Variants in GRM7 observed in about 807,000 individuals in gnomAD.
GRM7 encodes the protein glutamate metabotropic receptor 7.
GRM7 carries 35 observed loss-of-function variants against 84.5 expected under a neutral mutation model. The observed-to-expected ratio is 0.41, with a 90% CI of 0.32 to 0.55. The LOEUF is 0.55. Among genes scored for constraint, GRM7 ranks in the 20% least tolerant of loss-of-function variants. The pLI is 0.19. For synonymous variants in GRM7, 487 were observed against 455.1 expected, an observed-to-expected ratio of 1.07 and a Z score of -0.89; for missense variants, 1,003 against 1,194.6, an observed-to-expected ratio of 0.84 and a Z score of 2.36.
intron 1 of GRM7, among the ~76,000 whole-genome samples, chr3:6,924,683 A>G (rs1408328252): frequency 6.6e-6 from 1 of 151,838 alleles, no homozygotes; most frequent in East Asian, 1.9e-4. Flanking sequence ...AAAATTTTAC[A>G]TAGAAGCCAG....
At chr3:7,187,159 A>G (rs1695546707) in intron 2 of GRM7, among the ~76,000 whole-genome samples, 1 of 152,092 alleles carries the variant, frequency 6.6e-6, no homozygotes, top group Admixed American at 6.6e-5. Flanking sequence ...CATCAATTAA[A>G]TGCTTTTCTG....
At chr3:6,973,494 T>G (rs1693848681) in intron 1 of GRM7, among the ~76,000 whole-genome samples, 1 of 152,206 alleles carries the variant, frequency 6.6e-6, no homozygotes, top group East Asian at 1.9e-4. Context: ...TGTGTATATT[T>G]ACATATATAG....
intron 8 of GRM7, among the ~76,000 whole-genome samples, chr3:7,604,594 T>C (rs1575545543): frequency 6.6e-6 from 1 of 152,298 alleles, no homozygotes; most frequent in East Asian, 1.9e-4. Context: ...TGCAAAGGTT[T>C]CCTAAAAGGC....
intron 9 of GRM7, chr3:7,693,675 G>C (rs1700901682): frequency 6.5e-7 from 1 of 1,528,350 alleles, no homozygotes; most frequent in Middle Eastern, 1.7e-4. Context: ...CTGGCATCTA[G>C]TCAAGCGATT....
intron 8 of GRM7, among the ~76,000 whole-genome samples, chr3:7,656,942 T>C (rs1213697949): frequency 6.6e-6 from 1 of 152,198 alleles, no homozygotes; most frequent in East Asian, 1.9e-4. Flanking sequence ...TGAACACTTA[T>C]GCTACTGAAA....
intron 8 of GRM7, among the ~76,000 whole-genome samples, chr3:7,665,882 G>C (rs776562438): frequency 5.3e-5 from 8 of 151,908 alleles, no homozygotes; most frequent in African/African-American, 1.9e-4. Context: ...TCAAAAAGAG[G>C]GTCCGTTTTA....
intron 7 of GRM7, among the ~76,000 whole-genome samples, chr3:7,550,891 C>T (rs942277982): frequency 1.3e-5 from 2 of 152,084 alleles, no homozygotes; most frequent in Admixed American, 6.5e-5. Context: ...CTAAGCCCCA[C>T]TCTCCTACTC....
intron 5 of GRM7, among the ~76,000 whole-genome samples, chr3:7,419,819 G>A (rs754438179): frequency 3.3e-5 from 5 of 152,046 alleles, no homozygotes; most frequent in South Asian, 2.1e-4. Flanking sequence ...TTTTTCTTTC[G>A]CGATGACAGA....
intron 1 of GRM7, among the ~76,000 whole-genome samples, chr3:7,060,866 C>A (rs932654902): frequency 4.0e-5 from 6 of 151,638 alleles, no homozygotes; most frequent in African/African-American, 1.5e-4. Flanking sequence ...TTTTTGTGTC[C>A]TATCATTGTT....
intron 7 of GRM7, among the ~76,000 whole-genome samples, chr3:7,492,034 C>G (rs1456565366): frequency 6.6e-6 from 1 of 152,048 alleles, no homozygotes; most frequent in Non-Finnish European, 1.5e-5. Flanking sequence ...TAATGCTGAA[C>G]CAGCCTTGCA....
chr3:6,929,286 C>A (rs983880250), intron 1 of GRM7, among the ~76,000 whole-genome samples: 6 of 152,176 alleles, frequency 3.9e-5, no homozygotes, highest in Non-Finnish European at 8.8e-5. Context: ...CATGACTATT[C>A]TGTTTAGACC....
chr3:7,162,729 A>G (rs113784832), intron 2 of GRM7, among the ~76,000 whole-genome samples: 1 of 54,670 alleles, frequency 1.8e-5, no homozygotes, highest in African/African-American at 5.5e-5. Context: ...CCCATTTTTC[A>G]TTTTTTTTTT....
intron 1 of GRM7, among the ~76,000 whole-genome samples, chr3:6,926,856 G>A (rs1008517309): frequency 2.6e-5 from 4 of 151,994 alleles, no homozygotes; most frequent in Non-Finnish European, 5.9e-5. Flanking sequence ...ATAGAGTTGC[G>A]GCAAACATCT....
At position 7,064,479 on chromosome 3, in the gene GRM7, T is replaced by TATATATATATATATATACACACAC; in HGVS notation, c.520-81972_520-81971insTATATATATATATATACACACACA. On this transcript the variant is annotated intron_variant, in intron 1 of 9. Transcript: ENST00000357716. Reference sequence around the variant, plus strand: ...ATATATATACATATATATATATATATACACACATATACATATATATATACA... The same window carrying TATATATATATATATATACACACAC: ...ATATATATACATATATATATATATATATATATATATATATATACACACACACACACATATACATATATATATACA... Among the ~76,000 whole-genome samples the TATATATATATATATATACACACAC allele has an allele frequency of 4.1e-3, 406 of 99,330 alleles. 8 individuals carry two copies. The highest frequency in any genetic ancestry group is 0.013 in the African/African-American group (329 of 25,722). 65.2% of individuals were successfully genotyped at this position (99,330 alleles called of 152,430 possible).
chr3:7,049,815 G>A (rs768637020), intron 1 of GRM7, among the ~76,000 whole-genome samples: 52 of 151,920 alleles, frequency 3.4e-4, no homozygotes, highest in Admixed American at 1.1e-3. Flanking sequence ...GGGAGAAGAT[G>A]GAGATTACCC....
At chr3:7,493,265 A>G (rs1411483313) in intron 7 of GRM7, among the ~76,000 whole-genome samples, 1 of 152,030 alleles carries the variant, frequency 6.6e-6, no homozygotes, top group Non-Finnish European at 1.5e-5. Context: ...GGAAATGTTG[A>G]ACTCTTCAGC....
intron 9 of GRM7, among the ~76,000 whole-genome samples, chr3:7,694,952 T>G (rs1390107846): frequency 1.3e-5 from 2 of 152,150 alleles, no homozygotes; most frequent in Non-Finnish European, 2.9e-5. Flanking sequence ...CACATCCAGG[T>G]TTGGGAAACA....
chr3:7,601,847 G>A lies in GRM7; in HGVS notation c.2451+22490G>A, dbSNP rs532016537. On this transcript the variant is annotated intron_variant, in intron 8 of 9. Coordinates refer to ENST00000357716, the MANE Select transcript of GRM7 (RefSeq NM_000844.4). ...TTTATCCTGTCAGTTTCCTTGAGAC[G>A]AATTGGAAGAAGTGTCATTCCTTGA... 8.8e-4 allele frequency among the ~76,000 whole-genome samples: 134 copies of A among 152,132 alleles called. 1 individual carries two copies. In the South Asian group the frequency reaches 0.014, roughly 16 times the overall value.
chr3:6,933,078 AG>A (rs961515791), intron 1 of GRM7, among the ~76,000 whole-genome samples: 7 of 152,128 alleles, frequency 4.6e-5, no homozygotes, highest in African/African-American at 1.7e-4. Flanking sequence ...TAAGTTAGAA[AG>A]GAAGAGAGGG....
Sources: gnomAD v4.1 joint callset for allele counts (sites outside exome capture counted in the v4.1 genomes callset) on GRCh38, gnomAD v4.1.1 for gene constraint, MANE v1.5 for transcripts, NCBI Gene and HGNC (gene_info 2026-07-23, HGNC 2026-07-21) for gene names.